GRIK2: variants seen among roughly 807,000 people sequenced by gnomAD.
GRIK2 encodes the protein glutamate receptor ionotropic, kainate 2.
GRIK2 carries 32 observed loss-of-function variants against 100.3 expected under a neutral mutation model. The ratio of observed to expected loss-of-function variants is 0.32; its 90% confidence interval spans 0.24 to 0.43. The LOEUF (loss-of-function observed/expected upper bound fraction) is 0.43, where lower values mean the gene tolerates loss of function less well. Among genes scored for constraint, GRIK2 ranks in the 20% least tolerant of loss-of-function variants. The pLI is 1.00. For synonymous variants in GRIK2, 417 were observed against 389.4 expected (o/e 1.07, Z -0.83); for missense variants, 843 against 1,114.9 (o/e 0.76, Z 3.47).
At chr6:101,842,249 C>T (rs567083352) in intron 10 of GRIK2, among the ~76,000 whole-genome samples, 1 of 152,156 alleles carries the variant, frequency 6.6e-6, no homozygotes, top group Non-Finnish European at 1.5e-5. Context: ...CTTCTTCAGG[C>T]CATGTGTTGG....
chr6:101,780,037 A>G (rs897375832), intron 7 of GRIK2, among the ~76,000 whole-genome samples: 3 of 152,148 alleles, frequency 2.0e-5, no homozygotes, highest in Admixed American at 6.6e-5. Flanking sequence ...ATGGATTTTA[A>G]TAACCAAATT....
intron 7 of GRIK2, among the ~76,000 whole-genome samples, chr6:101,721,249 G>C (rs1234990022): frequency 1.3e-5 from 2 of 151,946 alleles, no homozygotes; most frequent in Non-Finnish European, 2.9e-5. Context: ...CAAATAGCAT[G>C]CAAGTAAACT....
intron 6 of GRIK2, 132 bp from the exon 7 acceptor site, chr6:101,686,048 G>C: frequency 1.7e-6 from 1 of 588,056 alleles, no homozygotes; most frequent in East Asian, 2.8e-5. Flanking sequence ...TTGGTGATTT[G>C]TGATGTTTAA....
chr6:101,931,846 C>T (rs893459800), intron 14 of GRIK2, among the ~76,000 whole-genome samples: 3 of 151,998 alleles, frequency 2.0e-5, no homozygotes, highest in African/African-American at 7.2e-5. Context: ...AAATGGATGA[C>T]AGTCCAAGAA....
At chr6:101,716,739 TAAAG>T (rs773976714) in intron 7 of GRIK2, among the ~76,000 whole-genome samples, 1 of 151,778 alleles carries the variant, frequency 6.6e-6, no homozygotes, top group East Asian at 2.0e-4. Flanking sequence ...CCCAAGAACT[TAAAG>T]AATAATAATA....
intron 2 of GRIK2, among the ~76,000 whole-genome samples, chr6:101,452,957 T>C (rs940490390): frequency 6.6e-6 from 1 of 151,864 alleles, no homozygotes; most frequent in Non-Finnish European, 1.5e-5. Flanking sequence ...ATTTTTTCAG[T>C]AACTTTGCAT....
intron 2 of GRIK2, among the ~76,000 whole-genome samples, chr6:101,458,587 T>G (rs894513110): frequency 1.3e-5 from 2 of 152,196 alleles, no homozygotes; most frequent in South Asian, 4.1e-4. Context: ...GCACTGCAGA[T>G]ACAAAACTCC....
chr6:101,434,091 C>T (rs1769578202), intron 2 of GRIK2, among the ~76,000 whole-genome samples: 1 of 152,156 alleles, frequency 6.6e-6, no homozygotes, highest in African/African-American at 2.4e-5. Flanking sequence ...AGCATGTGGC[C>T]ATGGGGTGTT....
chr6:102,051,262 TTCC>T (rs1562140285), intron 15 of GRIK2, among the ~76,000 whole-genome samples: 1,532 of 125,620 alleles, frequency 0.012, 30 homozygotes, highest in Middle Eastern at 0.027. Context: ...CCTTCCTTCC[TTCC>T]TTCCTTCCTT....
intron 2 of GRIK2, among the ~76,000 whole-genome samples, chr6:101,411,233 T>C (rs546049567): frequency 1.3e-5 from 2 of 152,212 alleles, no homozygotes; most frequent in Middle Eastern, 3.4e-3. Context: ...CAACTATCTT[T>C]CAAAATCTAA....
intron 3 of GRIK2, among the ~76,000 whole-genome samples, chr6:101,625,384 T>TAATA (rs139402781): frequency 0.18 from 26,523 of 147,504 alleles, 2,552 homozygotes; most frequent in Non-Finnish European, 0.22. Context: ...ACAAAATAAA[T>TAATA]AATAAATAAA....
intron 10 of GRIK2, among the ~76,000 whole-genome samples, chr6:101,826,004 G>A (rs948002344): frequency 2.0e-5 from 3 of 151,906 alleles, no homozygotes; most frequent in Non-Finnish European, 4.4e-5. Flanking sequence ...TTTGATTCAG[G>A]ACTCACAATG....
At chr6:101,871,657 G>A (rs538275115) in intron 11 of GRIK2, among the ~76,000 whole-genome samples, 7 of 126,872 alleles carry the variant, frequency 5.5e-5, no homozygotes, top group African/African-American at 8.9e-5. Flanking sequence ...CCATTAGTTC[G>A]CTTAGGATAA....
intron 2 of GRIK2, among the ~76,000 whole-genome samples, chr6:101,455,591 A>T (rs565217162): frequency 7.5e-4 from 111 of 148,000 alleles, no homozygotes; most frequent in African/African-American, 2.2e-3. Flanking sequence ...AAGTTAATTT[A>T]AAAAAAAAAG....
intron 14 of GRIK2, among the ~76,000 whole-genome samples, chr6:101,958,261 G>GTGTGTGTGTGTGTGTGTA (rs1792067826): frequency 6.6e-6 from 1 of 150,858 alleles, no homozygotes; most frequent in Non-Finnish European, 1.5e-5. Context: ...ATTTGTGTGT[G>GTGTGTGTGTGTGTGTGTA]TGTGTGTGTG....
intron 2 of GRIK2, among the ~76,000 whole-genome samples, chr6:101,588,968 G>A (rs572550342): frequency 6.6e-6 from 1 of 152,184 alleles, no homozygotes; most frequent in South Asian, 2.1e-4. Flanking sequence ...TGGGAATAAA[G>A]GCAAGTGACA....
intron 2 of GRIK2, among the ~76,000 whole-genome samples, chr6:101,476,911 G>C (rs556230873): frequency 6.6e-6 from 1 of 152,230 alleles, no homozygotes; most frequent in South Asian, 2.1e-4. Context: ...CAGTAGCATG[G>C]CCAACCTAAA....
chr6:101,611,342 C>T (rs1779666975), intron 2 of GRIK2, among the ~76,000 whole-genome samples: 1 of 151,632 alleles, frequency 6.6e-6, no homozygotes, highest in South Asian at 2.1e-4. Flanking sequence ...TTCAAATGCC[C>T]AGGACAAGTC....
In GRIK2 at chr6:101,910,013, G is replaced by A. The variant is rs573639541; in HGVS notation, c.1749-14588G>A. 5.0e-5 allele frequency among the ~76,000 whole-genome samples: 4 copies of A among 80,784 alleles called. No individual in the cohort carries two copies. The Admixed American group carries it at 5.2e-4, about 11-fold the overall frequency. The allele number at this position is 80,784 out of a possible 152,430, so 53.0% of individuals were successfully genotyped here. On this transcript the variant is annotated intron_variant, in intron 12 of 16. Transcript: ENST00000369134. ...ATAGAAGTGTTGTATAAAATCTCTA[G>A]TAATTGTTTTAAAAATAATGTATTA...
Sources: allele counts gnomAD v4.1 joint callset (sites outside exome capture counted in the v4.1 genomes callset), GRCh38; gene constraint gnomAD v4.1.1; transcripts MANE v1.5; gene names NCBI Gene and HGNC (gene_info 2026-07-23, HGNC 2026-07-21).